The following CRB1 variants were observed in gnomAD, a reference collection of about 807,000 sequenced individuals.
CRB1 encodes crumbs cell polarity complex component 1.
A neutral mutation model predicts 120.0 loss-of-function variants in CRB1; 83 were observed. That is an observed-to-expected ratio of 0.69 (90% CI 0.58 to 0.83). The LOEUF (loss-of-function observed/expected upper bound fraction) is 0.83, where lower values mean the gene tolerates loss of function less well. Among genes scored for constraint, CRB1 ranks in the 40% least tolerant of loss-of-function variants. The probability of loss-of-function intolerance (pLI) is 0.00; values close to 1 mark genes in which losing one functional copy is unlikely to be tolerated. For synonymous variants in CRB1, 625 were observed against 612.5 expected, an observed-to-expected ratio of 1.02 and a Z score of -0.30; for missense variants, 1,699 against 1,687.6, an observed-to-expected ratio of 1.01 and a Z score of -0.12.
intron 5 of CRB1, among the ~76,000 whole-genome samples, chr1:197,418,023 A>G (rs746221583): frequency 1.6e-4 from 24 of 152,080 alleles, no homozygotes; most frequent in African/African-American, 5.8e-4. Flanking sequence ...TAGTGAGCCG[A>G]AAAGTCCTGG....
chr1:197,226,419 T>A, the CRB1 span, among the ~76,000 whole-genome samples: 2 of 152,362 alleles, frequency 1.3e-5, no homozygotes, highest in Non-Finnish European at 2.9e-5. Context: ...TTTTAAATTG[T>A]CAATTATTAA....
intron 1 of CRB1, among the ~76,000 whole-genome samples, chr1:197,321,572 G>C (rs1658196411): frequency 6.6e-6 from 1 of 152,178 alleles, no homozygotes; most frequent in African/African-American, 2.4e-5. Context: ...TTTACTATTA[G>C]AAGGTGGTAT....
intron 11 of CRB1, among the ~76,000 whole-genome samples, chr1:197,458,287 C>T (rs1029714790): frequency 1.3e-5 from 2 of 151,902 alleles, no homozygotes; most frequent in Admixed American, 6.6e-5. Context: ...ACAGCAGCCA[C>T]AGGAGTTTAG....
the CRB1 span, among the ~76,000 whole-genome samples, chr1:197,258,692 C>G: frequency 6.6e-6 from 1 of 152,040 alleles, no homozygotes; most frequent in East Asian, 1.9e-4. Flanking sequence ...GGCTGCTGAC[C>G]CTCTCCTTTT....
chr1:197,332,895 C>A (rs1658945172), intron 2 of CRB1, among the ~76,000 whole-genome samples: 1 of 152,100 alleles, frequency 6.6e-6, no homozygotes. Context: ...TAACGAGAAC[C>A]CCAAAGAAGG....
At chr1:197,379,059 A>C (rs538547482) in intron 5 of CRB1, among the ~76,000 whole-genome samples, 1 of 152,190 alleles carries the variant, frequency 6.6e-6, no homozygotes, top group Non-Finnish European at 1.5e-5. Context: ...TTGCAAAGAA[A>C]AAAGATTCTA....
chr1:197,208,705 A>T, the CRB1 span, among the ~76,000 whole-genome samples: 1 of 152,116 alleles, frequency 6.6e-6, no homozygotes, highest in Non-Finnish European at 1.5e-5. Flanking sequence ...CCAGGAGGTG[A>T]TGCTTTCAAG....
At chr1:197,437,802 T>C (rs1049002471) in intron 9 of CRB1, among the ~76,000 whole-genome samples, 2 of 152,168 alleles carry the variant, frequency 1.3e-5, no homozygotes, top group Admixed American at 1.3e-4. Flanking sequence ...TCTGATACCA[T>C]GCACATACAC....
chr1:197,304,715 C>T (rs556136534), intron 1 of CRB1, among the ~76,000 whole-genome samples: 9 of 152,334 alleles, frequency 5.9e-5, no homozygotes, highest in African/African-American at 2.2e-4. Context: ...GCTACATCTA[C>T]AGGCTTGCAC....
At chr1:197,466,632 C>T (rs1188603859) in intron 11 of CRB1, among the ~76,000 whole-genome samples, 1 of 152,042 alleles carries the variant, frequency 6.6e-6, no homozygotes, top group African/African-American at 2.4e-5. Flanking sequence ...ACCAATAGAC[C>T]TTCATTACTT....
chr1:197,427,976 G>T lies in CRB1; in HGVS notation c.2651G>T (p.Gly884Val), dbSNP rs1664684768. The T allele has an allele frequency of 6.2e-7, 1 of 1,613,702 alleles. No homozygotes were observed. The highest frequency in any genetic ancestry group is 1.7e-5 in the Admixed American group (1 of 59,974). ...CCAGTTCTTGTCAATGTAACCCAAG[G>T]CTGTGCTGGAGACAACAGCTGCAAG... ...LNPVLVNVTQ[G>V]CAGDNSCKSN... The change falls in exon 7 of 12, where the codon GGC (glycine) becomes GTC (valine). Residue 884 changes from glycine to valine, a missense_variant. Coordinates refer to ENST00000367400, the MANE Select transcript of CRB1 (RefSeq NM_201253.3).
chr1:197,250,682 A>G, the CRB1 span, among the ~76,000 whole-genome samples: 3 of 152,154 alleles, frequency 2.0e-5, no homozygotes, highest in Admixed American at 1.3e-4. Flanking sequence ...TTGGTATTAT[A>G]GTACCTGCCA....
Position 197,328,846 on chromosome 1 carries a change from T to C in CRB1, c.495T>C (p.Asp165=). 6.2e-7 allele frequency: 1 copy of C among 1,610,208 alleles called. No homozygotes were observed. Among genetic ancestry groups the C allele is most frequent in the Non-Finnish European group, 8.5e-7 (1 of 1,176,332 alleles). The change falls in exon 2 of 12, where the codon GAT becomes GAC. Residue 165 remains aspartate, a synonymous_variant. Transcript: ENST00000367400. The part of the protein sequence containing the change: ...SPCQNGAVCQ[D]GIDGYSCFCV... Reference sequence around the variant, plus strand: ...GCCAAAATGGGGCCGTGTGCCAGGATGGAATTGATGGTTACTCCTGCTTCT... The same window carrying C: ...GCCAAAATGGGGCCGTGTGCCAGGACGGAATTGATGGTTACTCCTGCTTCT...
At chr1:197,270,237 C>A (rs571927865) in intron 1 of CRB1, among the ~76,000 whole-genome samples, 3 of 152,100 alleles carry the variant, frequency 2.0e-5, no homozygotes, top group Non-Finnish European at 4.4e-5. Flanking sequence ...TTTTCTATAT[C>A]ATATATGTCA....
chr1:197,439,817 T>C (rs1665346072), intron 10 of CRB1: 1 of 152,166 alleles, frequency 6.6e-6, no homozygotes, highest in African/African-American at 2.4e-5. Flanking sequence ...TTTGGATTAA[T>C]TGGAATTTTC....
chr1:197,424,820 C>A (rs1350804082), intron 6 of CRB1, among the ~76,000 whole-genome samples: 1 of 152,004 alleles, frequency 6.6e-6, no homozygotes, highest in Non-Finnish European at 1.5e-5. Flanking sequence ...TAAAGCTTGC[C>A]AAAATTGTTT....
intron 1 of CRB1, among the ~76,000 whole-genome samples, chr1:197,281,026 G>A (rs1199140867): frequency 2.0e-5 from 3 of 151,754 alleles, no homozygotes; most frequent in Non-Finnish European, 4.4e-5. Flanking sequence ...TCCTGTGTAG[G>A]ACCAAAAAAT....
Position 197,434,848 on chromosome 1 carries a change from G to A in CRB1, c.2985G>A (p.Glu995=). The A allele has an allele frequency of 6.2e-7, 1 of 1,613,786 alleles. No individual in the cohort carries two copies. The highest frequency in any genetic ancestry group is 8.5e-7 in the Non-Finnish European group (1 of 1,179,798). The change falls in exon 9 of 12, where the codon GAG becomes GAA. Residue 995 remains glutamate (E), a synonymous_variant. Coordinates refer to ENST00000367400, the MANE Select transcript of CRB1 (RefSeq NM_201253.3). ...TAATAATATTGCATGCAGAAAAAGA[G>A]CCTGAATTTCTTAATATTAGCATTC... ...ANVIILHAEK[E]PEFLNISIQD...
intron 1 of CRB1, among the ~76,000 whole-genome samples, chr1:197,271,851 A>G (rs759365075): frequency 3.3e-5 from 5 of 152,144 alleles, no homozygotes; most frequent in Non-Finnish European, 2.9e-5. Context: ...AATATTTTCA[A>G]TGTAAATGCC....
Sources: allele counts gnomAD v4.1 joint callset (sites outside exome capture counted in the v4.1 genomes callset), GRCh38; gene constraint gnomAD v4.1.1; transcripts MANE v1.5; gene names NCBI Gene and HGNC (gene_info 2026-07-23, HGNC 2026-07-21).